APOLD1: variants seen among roughly 807,000 people sequenced by gnomAD.
APOLD1 encodes the protein apolipoprotein L domain containing 1, also known as apolipoprotein L domain-containing protein 1.
Under a neutral mutation model 15.3 loss-of-function variants are expected in APOLD1, and 22 were observed. The observed-to-expected ratio is 1.44, with a 90% CI of 1.03 to 2.05. APOLD1 has a LOEUF of 2.05. Among genes scored for constraint, APOLD1 ranks in the 30% most tolerant of loss-of-function variants. APOLD1 has a pLI of 0.00. For synonymous variants in APOLD1, 190 were observed against 167.4 expected (o/e 1.13, Z -1.04); for missense variants, 394 against 353.5 (o/e 1.11, Z -0.92).
At chr12:12,756,233 C>A (rs1176739676) in intron 1 of APOLD1, among the ~76,000 whole-genome samples, 2 of 152,222 alleles carry the variant, frequency 1.3e-5, no homozygotes, top group African/African-American at 4.8e-5. Flanking sequence ...TCTGTTAATG[C>A]CAGCAATCGA....
In APOLD1 at chr12:12,731,090, G is replaced by A. The variant is rs1292875499; in HGVS notation, c.96+4994G>A. Among the ~76,000 whole-genome samples, 10 of 152,278 alleles carry A rather than the reference G, an allele frequency of 6.6e-5. No individual in the cohort carries two copies. In the South Asian group the frequency reaches 1.7e-3, roughly 25 times the overall value. On this transcript the variant is annotated intron_variant, in intron 1 of 1. Coordinates refer to the APOLD1 transcript ENST00000326765. ...CGGGAGGCGGAGCTTGCAGTGGGCC[G>A]AGATCGCACCACTGCACTCCAGCCT... is the stretch of plus-strand genomic sequence containing the variant.
chr12:12,766,420 A>G (rs559334317), intron 1 of APOLD1, among the ~76,000 whole-genome samples: 3 of 152,252 alleles, frequency 2.0e-5, no homozygotes, highest in Non-Finnish European at 4.4e-5. Context: ...TGCCTACTAC[A>G]GTTGCACAAA....
At chr12:12,725,937 T>TG in exon 1 of APOLD1, 1 of 1,334,536 alleles carries the variant, frequency 7.5e-7, no homozygotes, top group East Asian at 2.8e-5. Context: ...CAGGCGGGGG[T>TG]GCGCGGGGCG....
chr12:12,757,962 A>G (rs1379279002), intron 1 of APOLD1, among the ~76,000 whole-genome samples: 1 of 136,234 alleles, frequency 7.3e-6, no homozygotes, highest in Non-Finnish European at 1.5e-5. Context: ...TTTTTTTGAG[A>G]CAGAGTCTTG....
At position 12,788,566 on chromosome 12, in the gene APOLD1, A is replaced by G. The variant is rs561797817; in HGVS notation, c.*914A>G. On this transcript the variant is annotated 3_prime_UTR_variant, in exon 2 of 2. Transcript: ENST00000356591. Reference sequence around the variant, plus strand: ...TATTAAATGAGCCAAAGTGCCTAGCATGATGGTGCTGGCTCATATAGTGTA... The same window carrying G: ...TATTAAATGAGCCAAAGTGCCTAGCGTGATGGTGCTGGCTCATATAGTGTA... 1.1e-4 allele frequency: 17 copies of G among 152,336 alleles called. No individual in the cohort carries two copies. Among genetic ancestry groups the G allele is most frequent in the Admixed American group, 9.8e-4 (15 of 15,290 alleles). The allele number at this position is 152,336 out of a possible 1,614,324, so 9.4% of individuals were successfully genotyped here.
chr12:12,748,085 A>G (rs1946779998), intron 1 of APOLD1, among the ~76,000 whole-genome samples: 1 of 152,198 alleles, frequency 6.6e-6, no homozygotes, highest in Non-Finnish European at 1.5e-5. Flanking sequence ...GAGCGTTAAT[A>G]AGCAGTCACA....
intron 1 of APOLD1, among the ~76,000 whole-genome samples, chr12:12,759,496 T>C (rs1204588808): frequency 1.3e-5 from 2 of 152,206 alleles, no homozygotes; most frequent in Admixed American, 1.3e-4. Context: ...AATAGACAAA[T>C]ATGTTGATGG....
At chr12:12,765,176 T>C (rs923828212) in intron 1 of APOLD1, among the ~76,000 whole-genome samples, 5 of 152,034 alleles carry the variant, frequency 3.3e-5, no homozygotes, top group Non-Finnish European at 7.4e-5. Flanking sequence ...AAGCCTCCAA[T>C]CATGATGGAA....
intron 1 of APOLD1, among the ~76,000 whole-genome samples, chr12:12,766,480 C>A (rs931791579): frequency 4.6e-5 from 7 of 152,040 alleles, no homozygotes; most frequent in Admixed American, 2.6e-4. Flanking sequence ...TTTGCATTGC[C>A]CCACAGCTAA....
chr12:12,782,992 G>T (rs1037915785), upstream of APOLD1, among the ~76,000 whole-genome samples: 1 of 152,000 alleles, frequency 6.6e-6, no homozygotes, highest in Admixed American at 6.6e-5. Flanking sequence ...GATCACCCGG[G>T]GTCAGGAGTT....
chr12:12,738,563 A>C (rs1383287178), intron 1 of APOLD1, among the ~76,000 whole-genome samples: 1 of 152,182 alleles, frequency 6.6e-6, no homozygotes, highest in Non-Finnish European at 1.5e-5. Context: ...TAAGAATTTC[A>C]AATGATGCTT....
intron 1 of APOLD1, among the ~76,000 whole-genome samples, chr12:12,759,198 C>G (rs923690154): frequency 6.6e-6 from 1 of 151,968 alleles, no homozygotes; most frequent in East Asian, 1.9e-4. Context: ...TGTGGTTGAC[C>G]GAATGTAACT....
Position 12,786,923 on chromosome 12 carries a change from G to A in APOLD1, c.18G>A (p.Pro6=), listed in dbSNP as rs1482573281. ...TGTCCCCGCAGGGAATGGAGAGGCC[G>A]GCGGCCCGGGAGCCGCATGGGCCCG... MGMER[P]AAREPHGPDA... The change falls in exon 2 of 2, where the codon CCG becomes CCA. Residue 6 remains proline (P), a synonymous_variant. Coordinates refer to ENST00000356591, the MANE Select transcript of APOLD1 (RefSeq NM_030817.3). 4 of 1,448,310 alleles carry A rather than the reference G, an allele frequency of 2.8e-6. No homozygotes were observed. Among genetic ancestry groups the A allele is most frequent in the Non-Finnish European group, 2.7e-6 (3 of 1,109,512 alleles). 89.7% of individuals were successfully genotyped at this position (1,448,310 alleles called of 1,614,324 possible).
intron 1 of APOLD1, among the ~76,000 whole-genome samples, chr12:12,765,278 C>G (rs1946935210): frequency 6.6e-6 from 1 of 152,112 alleles, no homozygotes; most frequent in Admixed American, 6.5e-5. Context: ...GACTCGAACT[C>G]CTGGGGTCAA....
intron 1 of APOLD1, among the ~76,000 whole-genome samples, chr12:12,757,260 C>T (rs1946863504): frequency 6.6e-6 from 1 of 152,158 alleles, no homozygotes; most frequent in Non-Finnish European, 1.5e-5. Context: ...AAGCTCAGTT[C>T]TGAGGCAGTC....
In APOLD1 at chr12:12,787,112, C is replaced by A; in HGVS notation, c.207C>A (p.Ala69=). The change falls in exon 2 of 2, where the codon GCC becomes GCA. Residue 69 remains alanine (A), a synonymous_variant. Coordinates refer to ENST00000356591, the MANE Select transcript of APOLD1 (RefSeq NM_030817.3). This position sits in a 1 kb window ranked among gnomAD's most constrained non-coding sequence, Gnocchi z 4.9. ...CGCTGAGCGCAACGGGCGCCCTCGCCGCCATCGTGGGGCTCTCGCTCAGCC... is the reference window on the plus strand; with the variant it reads ...CGCTGAGCGCAACGGGCGCCCTCGCAGCCATCGTGGGGCTCTCGCTCAGCC... The part of the protein sequence containing the change: ...GSSLSATGAL[A]AIVGLSLSPV... The A allele has an allele frequency of 1.4e-6, 2 of 1,427,646 alleles. No individual in the cohort carries two copies. The highest frequency in any genetic ancestry group is 1.8e-6 in the Non-Finnish European group (2 of 1,101,842). The allele number at this position is 1,427,646 out of a possible 1,614,324, so 88.4% of individuals were successfully genotyped here.
rs1592313453 is a variant in APOLD1, at chr12:12,789,977, C to T, written c.*2325C>T. ...GTTTCTTTTCAAGCTGGTGTCATCT[C>T]CTAGACTGTTTCACCCAGATGCTAG... On this transcript the variant is annotated 3_prime_UTR_variant, in exon 2 of 2. Transcript: ENST00000356591. 2 of 151,382 alleles carry T rather than the reference C, an allele frequency of 1.3e-5. No individual in the cohort carries two copies. The allele number at this position is 151,382 out of a possible 1,614,324, so 9.4% of individuals were successfully genotyped here. A position where few individuals can be genotyped will look rare whatever the true frequency, so the allele number is the denominator to read the frequency against.
At chr12:12,753,282 T>C (rs1430783308) in intron 1 of APOLD1, among the ~76,000 whole-genome samples, 1 of 152,208 alleles carries the variant, frequency 6.6e-6, no homozygotes, top group African/African-American at 2.4e-5. Context: ...TAAGTATGAC[T>C]TGTATCATTA....
chr12:12,781,381 T>G (rs1947078482), upstream of APOLD1, among the ~76,000 whole-genome samples: 2 of 151,850 alleles, frequency 1.3e-5, no homozygotes, highest in Non-Finnish European at 1.5e-5. Context: ...GAGGCGGAGG[T>G]TGCAGTAGGC....
Sources: allele counts gnomAD v4.1 joint callset (sites outside exome capture counted in the v4.1 genomes callset), GRCh38; gene constraint gnomAD v4.1.1; non-coding constraint Gnocchi (gnomAD v3.1); transcripts MANE v1.5; gene names NCBI Gene and HGNC (gene_info 2026-07-23, HGNC 2026-07-21).